The following ARHGEF37 variants were observed in gnomAD, a reference collection of about 807,000 sequenced individuals.
ARHGEF37 encodes Rho guanine nucleotide exchange factor (GEF) 37.
In ARHGEF37, 55 loss-of-function variants were observed where a neutral mutation model predicts 71.1. The observed-to-expected ratio is 0.77, with a 90% CI of 0.62 to 0.97. The LOEUF (loss-of-function observed/expected upper bound fraction) is 0.97, where lower values mean the gene tolerates loss of function less well. Ranked by LOEUF, ARHGEF37 falls within the 50% of genes least tolerant of loss-of-function variation. The probability of loss-of-function intolerance (pLI) is 0.00; values close to 1 mark genes in which losing one functional copy is unlikely to be tolerated. For missense variants in ARHGEF37, 765 were observed against 836.8 expected, an observed-to-expected ratio of 0.91 and a Z score of 1.06; for synonymous variants, 327 against 350.6, an observed-to-expected ratio of 0.93 and a Z score of 0.75.
At chr5:149,587,176 C>T (rs959534138) in intron 1 of ARHGEF37, among the ~76,000 whole-genome samples, 3 of 152,074 alleles carry the variant, frequency 2.0e-5, no homozygotes, top group Admixed American at 6.5e-5. Context: ...TCATTTCAGT[C>T]TCTCTCTCAG....
At chr5:149,583,125 TTTG>T (rs767280424) in intron 1 of ARHGEF37, among the ~76,000 whole-genome samples, 21 of 152,276 alleles carry the variant, frequency 1.4e-4, no homozygotes, top group Admixed American at 7.8e-4. Context: ...ACCCCGTTTT[TTTG>T]TTGTTGTTTT....
rs1329472925 is a variant in ARHGEF37, at chr5:149,628,844, C to T, written c.1696C>T (p.Leu566=). 6.2e-7 allele frequency: 1 copy of T among 1,613,720 alleles called. No individual in the cohort carries two copies. The highest frequency in any genetic ancestry group is 8.5e-7 in the Non-Finnish European group (1 of 1,179,966). ...GTATGTGCCGGCTGGGAAACTACAG[C>T]TGTACCATGTGGTCCCCAGTGCAGA... ...RGYVPAGKLQ[L]YHVVPSAEEL... is the part of the protein sequence containing the mutation. Residue 566 remains leucine (L), a synonymous_variant, in exon 12 of 13, where the codon CTG becomes TTG. Coordinates refer to ENST00000333677, the MANE Select transcript of ARHGEF37 (RefSeq NM_001001669.3).
chr5:149,584,910 C>T (rs1471697652), intron 1 of ARHGEF37, among the ~76,000 whole-genome samples: 1 of 152,208 alleles, frequency 6.6e-6, no homozygotes, highest in Non-Finnish European at 1.5e-5. Context: ...GCATGAGCCA[C>T]CATGCCCGGC....
intron 1 of ARHGEF37, among the ~76,000 whole-genome samples, chr5:149,554,916 A>G (rs1413808335): frequency 6.6e-6 from 1 of 152,062 alleles, no homozygotes; most frequent in African/African-American, 2.4e-5. Flanking sequence ...GCGGATCACA[A>G]GGTCAGGAGT....
At chr5:149,616,889 G>GT in intron 5 of ARHGEF37, 123 bp downstream of exon 5, 1 of 1,036,016 alleles carries the variant, frequency 9.7e-7, no homozygotes, top group South Asian at 1.8e-5. Flanking sequence ...AAATCCAGAG[G>GT]TAATGCAAGC....
At chr5:149,605,163 G>A (rs1291080017) in intron 3 of ARHGEF37, among the ~76,000 whole-genome samples, 4 of 151,118 alleles carry the variant, frequency 2.6e-5, no homozygotes, top group Admixed American at 6.6e-5. Flanking sequence ...GGAGGTGGAG[G>A]TGGCAGTGAG....
chr5:149,608,775 G>C (rs898237810), intron 3 of ARHGEF37, among the ~76,000 whole-genome samples: 3 of 152,170 alleles, frequency 2.0e-5, no homozygotes, highest in Non-Finnish European at 2.9e-5. Flanking sequence ...CTGGAGATCT[G>C]TCCCTAGTTC....
At chr5:149,585,425 T>C (rs892120575) in intron 1 of ARHGEF37, among the ~76,000 whole-genome samples, 2 of 152,218 alleles carry the variant, frequency 1.3e-5, no homozygotes, top group Non-Finnish European at 2.9e-5. Flanking sequence ...AAAGTAACGA[T>C]GTATTGATAC....
chr5:149,597,810 G>C lies in ARHGEF37; in HGVS notation c.41G>C (p.Gly14Ala). The C allele has an allele frequency of 6.3e-7, 1 of 1,586,072 alleles. No homozygotes were observed. The highest frequency in any genetic ancestry group is 1.2e-5 in the South Asian group (1 of 86,868). ...GCCGACGAGCCATCCTCCAGGTCAG[G>C]GAGTCCGGACAGGGAAGGTAGGGCC... ...HGADEPSSRS[G>A]SPDREGRASE... The change falls in exon 2 of 13, where the codon GGG becomes GCG. Residue 14 changes from glycine to alanine, a missense_variant. By Grantham distance (60) the Gly-to-Ala change is moderately conservative. This residue lies in a region of ARHGEF37 where 201 missense variants were observed against 217.5 expected (regional missense o/e 0.92). Coordinates refer to ENST00000333677, the MANE Select transcript of ARHGEF37 (RefSeq NM_001001669.3).
In ARHGEF37 at chr5:149,621,909, A is replaced by G; in HGVS notation, c.1182A>G (p.Thr394=). ...ACCAGGAGGAGGCCGCCCGGCACAC[A>G]TACCAGGCACTCAACTCGCTGCTAG... ...VTYQEEAARH[T]YQALNSLLVA... is the part of the protein sequence containing the mutation. The change falls in exon 9 of 13, where the codon ACA becomes ACG. Residue 394 remains threonine, a synonymous_variant. Coordinates refer to ENST00000333677, the MANE Select transcript of ARHGEF37 (RefSeq NM_001001669.3). 6.2e-7 allele frequency: 1 copy of G among 1,614,240 alleles called. No homozygotes were observed. Among genetic ancestry groups the G allele is most frequent in the Non-Finnish European group, 8.5e-7 (1 of 1,180,040 alleles).
At position 149,620,384 on chromosome 5, in the gene ARHGEF37, A is replaced by C. The variant is rs759185404; in HGVS notation, c.925A>C (p.Asn309His). The C allele has an allele frequency of 5.0e-6, 8 of 1,612,538 alleles. No individual in the cohort carries two copies. The highest frequency in any genetic ancestry group is 1.7e-5 in the Admixed American group (1 of 59,828). ...CCTCTACTTCAGGCCGCACGAATAC[A>C]ATCTGGACATCCCCGAGGGGCCTGC... Reference protein sequence around the residue: ...AFLYFRPHEYNLDIPEGPAVQ... With the variant: ...AFLYFRPHEYHLDIPEGPAVQ... The change falls in exon 8 of 13, where the codon AAT (asparagine) becomes CAT (histidine). Residue 309 changes from asparagine to histidine, a missense_variant. Asn to His is a moderately conservative substitution (Grantham distance 68, BLOSUM62 1). This residue lies in a region of ARHGEF37 where 167 missense variants were observed against 173.3 expected (regional missense o/e 0.96). Coordinates refer to ENST00000333677, the MANE Select transcript of ARHGEF37 (RefSeq NM_001001669.3).
chr5:149,600,180 GT>G (rs2113314927), intron 2 of ARHGEF37, among the ~76,000 whole-genome samples: 1 of 152,256 alleles, frequency 6.6e-6, no homozygotes, highest in South Asian at 2.1e-4. Context: ...CACAGAAAAG[GT>G]ACAGTAAAAA....
At chr5:149,609,431 G>A in intron 3 of ARHGEF37, 117 bp from the exon 4 acceptor site, 3 of 1,179,792 alleles carry the variant, frequency 2.5e-6, no homozygotes, top group Non-Finnish European at 3.7e-6. Context: ...GTGACATGCT[G>A]GTAAACCCAG....
At chr5:149,568,417 T>C (rs1762923143) in intron 1 of ARHGEF37, among the ~76,000 whole-genome samples, 1 of 152,156 alleles carries the variant, frequency 6.6e-6, no homozygotes, top group Non-Finnish European at 1.5e-5. Context: ...TAAAATTCAA[T>C]ATTTATTTAT....
At chr5:149,609,720 T>C in intron 4 of ARHGEF37, 25 bp downstream of exon 4, 2 of 1,611,940 alleles carry the variant, frequency 1.2e-6, no homozygotes, top group Non-Finnish European at 1.7e-6. Context: ...CAGTGAGCAC[T>C]CGCTCCTACC....
At position 149,628,910 on chromosome 5, in the gene ARHGEF37, T is replaced by C. The variant is rs1398922785; in HGVS notation, c.1762T>C (p.Cys588Arg). The change falls in exon 12 of 13, where the codon TGT becomes CGT. Residue 588 changes from cysteine (C) to arginine (R), a missense_variant. Transcript: ENST00000333677. The part of the protein sequence containing the change: ...RQAGLNKDPR[C>R]LTPEPSPALV... ...GGCGGGGCTGAACAAAGACCCCCGA[T>C]GTCTAACACCGGAGCCCAGCCCAGC... 1 of 1,613,388 alleles carries C rather than the reference T, an allele frequency of 6.2e-7. No individual in the cohort carries two copies.
At chr5:149,612,669 A>G (rs1192276941) in intron 4 of ARHGEF37, among the ~76,000 whole-genome samples, 1 of 152,232 alleles carries the variant, frequency 6.6e-6, no homozygotes, top group Non-Finnish European at 1.5e-5. Flanking sequence ...TCAGGGGGAC[A>G]TATGAGACAT....
chr5:149,593,298 A>G (rs1763461844), intron 1 of ARHGEF37, among the ~76,000 whole-genome samples: 2 of 152,250 alleles, frequency 1.3e-5, no homozygotes, highest in Non-Finnish European at 2.9e-5. Context: ...AAAACGTTGC[A>G]TCCTTCAGCT....
At position 149,632,346 on chromosome 5, in the gene ARHGEF37, G is replaced by A. The variant is rs1271919052; in HGVS notation, c.*155G>A. 1.8e-5 allele frequency: 14 copies of A among 792,042 alleles called. No homozygotes were observed. The East Asian group carries it at 2.7e-4, about 15-fold the overall frequency. 49.1% of individuals were successfully genotyped at this position (792,042 alleles called of 1,614,324 possible). On this transcript the variant is annotated 3_prime_UTR_variant, in exon 13 of 13. Coordinates refer to ENST00000333677, the MANE Select transcript of ARHGEF37 (RefSeq NM_001001669.3). ...CAGGAGGCAGCCAGAAGACATGGGC[G>A]GGCCTCGCAGAGTGCTTGGTGTGGT...
Sources: gnomAD v4.1 joint callset for allele counts (sites outside exome capture counted in the v4.1 genomes callset) on GRCh38, gnomAD v4.1.1 for gene constraint, gnomAD v4.1.1 regional missense constraint, MANE v1.5 for transcripts, NCBI Gene and HGNC (gene_info 2026-07-23, HGNC 2026-07-21) for gene names.